SLIT2: variants seen among roughly 807,000 people sequenced by gnomAD.
SLIT2 encodes slit guidance ligand 2, also known as slit homolog 2 protein.
In SLIT2, 41 loss-of-function variants were observed where a neutral mutation model predicts 185.7. The ratio of observed to expected loss-of-function variants is 0.22; its 90% CI spans 0.17 to 0.29. The LOEUF (loss-of-function observed/expected upper bound fraction) is 0.29, where lower values mean the gene tolerates loss of function less well. Among genes scored for constraint, SLIT2 ranks in the 10% least tolerant of loss-of-function variants. The pLI is 1.00. For synonymous variants in SLIT2, 693 were observed against 680.2 expected (o/e 1.02, Z -0.29); for missense variants, 1,571 against 1,909.0 (o/e 0.82, Z 3.30).
At chr4:20,571,074 A>G (rs572562827) in intron 29 of SLIT2, among the ~76,000 whole-genome samples, 2 of 152,104 alleles carry the variant, frequency 1.3e-5, no homozygotes, top group East Asian at 1.9e-4. Context: ...TTCCCCAACT[A>G]TGTCAGATCT....
intron 36 of SLIT2, 104 bp from the exon 37 acceptor site, chr4:20,618,664 A>T: frequency 8.2e-7 from 1 of 1,216,672 alleles, no homozygotes; most frequent in Non-Finnish European, 1.1e-6. Context: ...AGCAAGTTAC[A>T]AAGGGGAAGC....
rs564148370 is a variant in SLIT2 at position 20,452,987 on chromosome 4, C to T, written c.396-14765C>T. On this transcript the variant is annotated intron_variant, in intron 4 of 36. Coordinates refer to ENST00000504154, the MANE Select transcript of SLIT2 (RefSeq NM_004787.4). ...TATATCTGTGCCCAACTCTCTTTTA[C>T]ATACAGTTCAGAAATTATGATATCA... is the stretch of plus-strand genomic sequence containing the variant. Among the ~76,000 whole-genome samples, 80 of 152,310 alleles carry T rather than the reference C, an allele frequency of 5.3e-4. No individual in the cohort carries two copies. The South Asian group carries it at 0.014, about 28-fold the overall frequency.
At chr4:20,389,397 C>T (rs566775404) in intron 4 of SLIT2, among the ~76,000 whole-genome samples, 54 of 152,142 alleles carry the variant, frequency 3.5e-4, no homozygotes, top group African/African-American at 1.3e-3. Context: ...AGGACTGCTA[C>T]GCCAGGAGTT....
At chr4:20,376,981 C>T (rs1577532028) in intron 4 of SLIT2, among the ~76,000 whole-genome samples, 1 of 151,990 alleles carries the variant, frequency 6.6e-6, no homozygotes, top group African/African-American at 2.4e-5. Flanking sequence ...TGTAACAGAC[C>T]TGCACGTTGT....
chr4:20,389,994 T>C (rs1354553283), intron 4 of SLIT2, among the ~76,000 whole-genome samples: 5 of 152,132 alleles, frequency 3.3e-5, no homozygotes, highest in African/African-American at 7.2e-5. Flanking sequence ...GAATCTCAGC[T>C]AGCTTTGTGC....
rs551124326 is a variant in SLIT2, at chr4:20,513,118, G to A, written c.1058+1981G>A. On this transcript the variant is annotated intron_variant, in intron 11 of 36. Coordinates refer to ENST00000504154, the MANE Select transcript of SLIT2 (RefSeq NM_004787.4). Reference sequence around the variant, plus strand: ...CATGCTTGCTACATTGAAATCTAAGGCCTCATGATGAGAGCACTCACGCAC... The same window carrying A: ...CATGCTTGCTACATTGAAATCTAAGACCTCATGATGAGAGCACTCACGCAC... 3.3e-5 allele frequency among the ~76,000 whole-genome samples: 5 copies of A among 152,226 alleles called. No individual in the cohort carries two copies. In the South Asian group the frequency reaches 1.0e-3, roughly 32 times the overall value.
At chr4:20,313,091 C>T (rs16869526) in intron 4 of SLIT2, among the ~76,000 whole-genome samples, 36,240 of 152,062 alleles carry the variant, frequency 0.24, 5,254 homozygotes, top group East Asian at 0.6. Context: ...AGTCTTGTCA[C>T]ATTTGTTGAC....
chr4:20,477,525 C>T (rs1716253584), intron 5 of SLIT2, among the ~76,000 whole-genome samples: 1 of 152,042 alleles, frequency 6.6e-6, no homozygotes, highest in African/African-American at 2.4e-5. Flanking sequence ...TTCTTGACCC[C>T]ATCATTTCCG....
chr4:20,403,416 G>A (rs1553895444), intron 4 of SLIT2, among the ~76,000 whole-genome samples: 1 of 151,860 alleles, frequency 6.6e-6, no homozygotes, highest in Non-Finnish European at 1.5e-5. Context: ...CTCCGTTGCT[G>A]GGGCATTGGT....
chr4:20,434,583 C>A (rs576373316), intron 4 of SLIT2, among the ~76,000 whole-genome samples: 1 of 152,030 alleles, frequency 6.6e-6, no homozygotes, highest in Non-Finnish European at 1.5e-5. Context: ...AAGAGTCTTA[C>A]GACTACAGGT....
At chr4:20,341,480 G>A (rs184592141) in intron 4 of SLIT2, among the ~76,000 whole-genome samples, 8 of 152,310 alleles carry the variant, frequency 5.3e-5, no homozygotes, top group Admixed American at 3.9e-4. Context: ...CAAATAGAGT[G>A]AAAGAAAATT....
intron 4 of SLIT2, among the ~76,000 whole-genome samples, chr4:20,386,702 C>T (rs1212448950): frequency 6.6e-6 from 1 of 152,148 alleles, no homozygotes; most frequent in Non-Finnish European, 1.5e-5. Flanking sequence ...CAGACTGATT[C>T]CAAGGCATAC....
At chr4:20,258,816 A>G (rs190329921) in intron 3 of SLIT2, among the ~76,000 whole-genome samples, 1 of 151,860 alleles carries the variant, frequency 6.6e-6, no homozygotes, top group Non-Finnish European at 1.5e-5. Context: ...TTATTTTAAT[A>G]AGTTTTCATG....
chr4:20,326,213 A>G (rs867935161), intron 4 of SLIT2, among the ~76,000 whole-genome samples: 4 of 152,092 alleles, frequency 2.6e-5, no homozygotes, highest in South Asian at 4.1e-4. Context: ...GTTATTAGCT[A>G]TCTATATACT....
chr4:20,280,486 A>G (rs1714643064), intron 4 of SLIT2, among the ~76,000 whole-genome samples: 1 of 152,086 alleles, frequency 6.6e-6, no homozygotes, highest in African/African-American at 2.4e-5. Context: ...ATGAGTATGT[A>G]GTAAGTCAGA....
chr4:20,479,450 G>A (rs1486676893), intron 5 of SLIT2, among the ~76,000 whole-genome samples: 1 of 152,056 alleles, frequency 6.6e-6, no homozygotes, highest in African/African-American at 2.4e-5. Context: ...TTTGTATTAC[G>A]ATCATAATCT....
chr4:20,574,561 T>C (rs1007522224), intron 29 of SLIT2, among the ~76,000 whole-genome samples: 3 of 151,916 alleles, frequency 2.0e-5, no homozygotes, highest in African/African-American at 7.3e-5. Flanking sequence ...CCGAGGCAGG[T>C]GGATCCTTTG....
intron 29 of SLIT2, among the ~76,000 whole-genome samples, chr4:20,587,385 T>A (rs1384300456): frequency 6.6e-6 from 1 of 152,200 alleles, no homozygotes; most frequent in African/African-American, 2.4e-5. Flanking sequence ...TATGTAATGG[T>A]CACAAAGAAG....
intron 29 of SLIT2, among the ~76,000 whole-genome samples, chr4:20,580,694 G>A (rs967081916): frequency 9.2e-5 from 14 of 152,152 alleles, no homozygotes; most frequent in African/African-American, 3.1e-4. Flanking sequence ...ATTGGTCCAA[G>A]TCAAGCACAA....
Sources: gnomAD v4.1 joint callset for allele counts (sites outside exome capture counted in the v4.1 genomes callset) on GRCh38, gnomAD v4.1.1 for gene constraint, MANE v1.5 for transcripts, NCBI Gene and HGNC (gene_info 2026-07-23, HGNC 2026-07-21) for gene names.